ZNF521: variants seen among roughly 807,000 people sequenced by gnomAD.
ZNF521 encodes zinc finger protein 521.
Under a neutral mutation model 105.5 loss-of-function variants are expected in ZNF521, and 14 were observed. The observed-to-expected ratio is 0.13, with a 90% confidence interval of 0.09 to 0.21. The LOEUF is 0.21. Ranked by LOEUF, ZNF521 falls within the 10% of genes least tolerant of loss-of-function variation. The pLI, the probability that ZNF521 is intolerant of heterozygous loss-of-function variation, is 1.00. For synonymous variants in ZNF521, 635 were observed against 606.0 expected (o/e 1.05, Z -0.70); for missense variants, 1,233 against 1,629.7 (o/e 0.76, Z 4.19).
At chr18:25,303,309 TGAGAGA>T (rs10542663) in intron 3 of ZNF521, among the ~76,000 whole-genome samples, 49,254 of 128,298 alleles carry the variant, frequency 0.38, 8,375 homozygotes, top group African/African-American at 0.44. Context: ...TGTGTGTGTG[TGAGAGA>T]GAGACGGAGT....
chr18:25,286,794 G>C (rs1432632554), intron 3 of ZNF521, among the ~76,000 whole-genome samples: 1 of 152,166 alleles, frequency 6.6e-6, no homozygotes, highest in Non-Finnish European at 1.5e-5. Context: ...AAGACGCAGA[G>C]TCTAGGCCAA....
intron 3 of ZNF521, among the ~76,000 whole-genome samples, chr18:25,256,699 C>A (rs1007673000): frequency 6.6e-6 from 1 of 151,882 alleles, no homozygotes; most frequent in Non-Finnish European, 1.5e-5. Flanking sequence ...TCTTAGTCTG[C>A]AGTCCTTTGT....
At position 25,224,468 on chromosome 18, in the gene ZNF521, T is replaced by C. The variant is rs1159233928; in HGVS notation, c.3450A>G (p.Glu1150=). Residue 1150 remains glutamate (E), a synonymous_variant, in exon 4 of 8, where the codon GAA becomes GAG. Coordinates refer to ENST00000361524, the MANE Select transcript of ZNF521 (RefSeq NM_015461.3). The part of the protein sequence containing the change: ...CSSCNVKFES[E]SELQNHIQTI... The stretch of plus-strand genomic sequence containing the variant: ...TTTGGATGTGGTTCTGGAGTTCACT[T>C]TCAGACTCAAACTTAACGTTGCAGC... 2 of 1,613,992 alleles carry C rather than the reference T, an allele frequency of 1.2e-6. No individual in the cohort carries two copies. Among genetic ancestry groups the C allele is most frequent in the Non-Finnish European group, 1.7e-6 (2 of 1,179,974 alleles).
chr18:25,082,779 T>C (rs927475590), intron 7 of ZNF521: 27 of 261,580 alleles, frequency 1.0e-4, no homozygotes, highest in African/African-American at 7.1e-4. Flanking sequence ...GAGGCGGAGG[T>C]TGCAGTGAGC....
chr18:25,321,983 C>T (rs1163544951), intron 3 of ZNF521, 25 bp downstream of exon 3: 1 of 1,606,286 alleles, frequency 6.2e-7, no homozygotes, highest in South Asian at 1.1e-5. Context: ...TACAAGAAGA[C>T]AAAAAAGTGA....
intron 3 of ZNF521, among the ~76,000 whole-genome samples, chr18:25,275,076 T>C (rs1164750294): frequency 6.6e-6 from 1 of 152,128 alleles, no homozygotes. Context: ...CTATAAAATA[T>C]TGCCAAAAAA....
chr18:25,347,105 A>G (rs1914496984), intron 2 of ZNF521, among the ~76,000 whole-genome samples: 1 of 152,240 alleles, frequency 6.6e-6, no homozygotes, highest in African/African-American at 2.4e-5. Flanking sequence ...GAAATAGGTC[A>G]CAATTGACCA....
chr18:25,148,524 A>G (rs1430263432), intron 5 of ZNF521, among the ~76,000 whole-genome samples: 2 of 151,914 alleles, frequency 1.3e-5, no homozygotes, highest in Non-Finnish European at 2.9e-5. Flanking sequence ...CTTTCTTTTA[A>G]GTATAAATAT....
intron 2 of ZNF521, among the ~76,000 whole-genome samples, chr18:25,338,165 G>A (rs542065763): frequency 9.2e-5 from 14 of 151,864 alleles, no homozygotes; most frequent in Middle Eastern, 3.4e-3. Flanking sequence ...ACATATAATC[G>A]GCCGTCCAGA....
chr18:25,268,486 A>C lies in ZNF521; in HGVS notation c.221-40789T>G, dbSNP rs184339932. ...ACCAAGACACATAATCGTCAGATTC[A>C]CCAAGGTTGAAATGAAGGAAAAAAT... On this transcript the variant is annotated intron_variant, in intron 3 of 7. Transcript: ENST00000361524. Among the ~76,000 whole-genome samples, 561 of 152,342 alleles carry C rather than the reference A, an allele frequency of 3.7e-3. 1 individual carries two copies. Among genetic ancestry groups the C allele is most frequent in the Middle Eastern group, 0.01 (3 of 292 alleles).
intron 7 of ZNF521, among the ~76,000 whole-genome samples, chr18:25,064,492 A>T (rs1052116731): frequency 1.3e-5 from 2 of 152,224 alleles, no homozygotes; most frequent in Non-Finnish European, 2.9e-5. Context: ...TTCTGAATCA[A>T]CAGTACTCAC....
At chr18:25,269,566 AG>A (rs1175610627) in intron 3 of ZNF521, among the ~76,000 whole-genome samples, 1 of 152,238 alleles carries the variant, frequency 6.6e-6, no homozygotes, top group African/African-American at 2.4e-5. Context: ...CAAATGCAAA[AG>A]AATGGAAGTC....
At chr18:25,318,666 C>A (rs899160586) in intron 3 of ZNF521, among the ~76,000 whole-genome samples, 1 of 151,992 alleles carries the variant, frequency 6.6e-6, no homozygotes, top group Non-Finnish European at 1.5e-5. Flanking sequence ...AGGAAAAAGA[C>A]TAGGATGTAC....
intron 5 of ZNF521, among the ~76,000 whole-genome samples, chr18:25,150,428 A>G (rs4558479): frequency 0.68 from 104,133 of 152,026 alleles, 36,227 homozygotes; most frequent in African/African-American, 0.79. Flanking sequence ...TAAAACCTAC[A>G]GAAATAAAAA....
chr18:25,229,972 G>A (rs989720483), intron 3 of ZNF521, among the ~76,000 whole-genome samples: 1 of 152,144 alleles, frequency 6.6e-6, no homozygotes, highest in African/African-American at 2.4e-5. Context: ...TAAAAATTAT[G>A]CAATCCCTAA....
At chr18:25,222,257 T>A (rs1600172457) in intron 4 of ZNF521, among the ~76,000 whole-genome samples, 1 of 152,188 alleles carries the variant, frequency 6.6e-6, no homozygotes, top group Non-Finnish European at 1.5e-5. Context: ...AAGTGCAGGA[T>A]AAAGATAGGC....
At chr18:25,196,762 A>T (rs1377548705) in intron 4 of ZNF521, among the ~76,000 whole-genome samples, 1 of 151,834 alleles carries the variant, frequency 6.6e-6, no homozygotes, top group Admixed American at 6.6e-5. Flanking sequence ...CGTAAGTAAC[A>T]TCTATCCCTT....
intron 3 of ZNF521, among the ~76,000 whole-genome samples, chr18:25,300,664 T>G (rs2145067038): frequency 6.6e-6 from 1 of 152,296 alleles, no homozygotes; most frequent in Non-Finnish European, 1.5e-5. Flanking sequence ...TTGCCATCAC[T>G]CTTAATTGTG....
intron 2 of ZNF521, among the ~76,000 whole-genome samples, chr18:25,339,113 A>C (rs1914056483): frequency 6.6e-6 from 1 of 152,224 alleles, no homozygotes; most frequent in African/African-American, 2.4e-5. Flanking sequence ...CAATGACACA[A>C]AAGGAATACC....
Sources: gnomAD v4.1 joint callset for allele counts (sites outside exome capture counted in the v4.1 genomes callset) on GRCh38, gnomAD v4.1.1 for gene constraint, MANE v1.5 for transcripts, NCBI Gene and HGNC (gene_info 2026-07-23, HGNC 2026-07-21) for gene names.